ITSN1: variants seen among roughly 807,000 people sequenced by gnomAD.
ITSN1 encodes the protein intersectin 1, also known as intersectin-1.
A neutral mutation model predicts 239.8 loss-of-function variants in ITSN1; 58 were observed. That is an observed-to-expected ratio of 0.24 (90% confidence interval 0.20 to 0.30). The LOEUF (loss-of-function observed/expected upper bound fraction) is 0.30. Ranked by LOEUF, ITSN1 falls within the 10% of genes least tolerant of loss-of-function variation. ITSN1 has a pLI of 1.00. For missense variants in ITSN1, 1,558 were observed against 2,103.3 expected (o/e 0.74, Z 5.07); for synonymous variants, 780 against 770.8 (o/e 1.01, Z -0.20).
At chr21:33,689,776 T>A (rs758533078) in intron 1 of ITSN1, among the ~76,000 whole-genome samples, 4 of 152,018 alleles carry the variant, frequency 2.6e-5, no homozygotes, top group Non-Finnish European at 5.9e-5. Context: ...AAGACCAACC[T>A]GGCCAACATA....
At chr21:33,741,986 A>G (rs1034979153) in intron 5 of ITSN1, among the ~76,000 whole-genome samples, 6 of 151,808 alleles carry the variant, frequency 4.0e-5, no homozygotes, top group African/African-American at 1.5e-4. Context: ...AAAAAGACTT[A>G]AAAAGTAAAA....
intron 7 of ITSN1, among the ~76,000 whole-genome samples, chr21:33,752,564 A>G (rs73352110): frequency 8.6e-4 from 131 of 152,320 alleles, no homozygotes; most frequent in Middle Eastern, 6.8e-3. Flanking sequence ...TACATTAAGA[A>G]GAGAAATTAA....
chr21:33,660,207 T>A (rs1237041885), intron 1 of ITSN1, among the ~76,000 whole-genome samples: 2 of 152,190 alleles, frequency 1.3e-5, no homozygotes, highest in Non-Finnish European at 1.5e-5. Context: ...CATTTTACAC[T>A]CACATGTTGC....
At chr21:33,701,233 G>T (rs965745561) in intron 1 of ITSN1, among the ~76,000 whole-genome samples, 1 of 152,092 alleles carries the variant, frequency 6.6e-6, no homozygotes, top group Non-Finnish European at 1.5e-5. Flanking sequence ...TAAGTAATTG[G>T]AACTATAGGC....
Position 33,888,306 on chromosome 21 carries a change from G to A in ITSN1, c.*6G>A, listed in dbSNP as rs750605825. 30 of 1,609,702 alleles carry A rather than the reference G, an allele frequency of 1.9e-5. No homozygotes were observed. Among genetic ancestry groups the A allele is most frequent in the African/African-American group, 4.0e-5 (3 of 74,810 alleles). ...AGTTGTTTGATGAGCCGTAGGCAGC[G>A]GGCTCAGGGTGTGCTCAGCAGGGTC... On this transcript the variant is annotated 3_prime_UTR_variant, in exon 40 of 40. Transcript: ENST00000381318.
In ITSN1 at chr21:33,649,885, G is replaced by A. The variant is rs151212406; in HGVS notation, c.-33+7172G>A. 2.9e-3 allele frequency among the ~76,000 whole-genome samples: 447 copies of A among 151,822 alleles called. 4 individuals carry two copies. The Middle Eastern group carries it at 0.075, about 25-fold the overall frequency. On this transcript the variant is annotated intron_variant, in intron 1 of 39. Transcript: ENST00000381318. ...ACAAAAATTAGGCGGGCGTGGTGGC[G>A]CACAAGTGTAATCCCAGCTACTTGG...
intron 1 of ITSN1, among the ~76,000 whole-genome samples, chr21:33,664,156 G>A (rs2089766311): frequency 6.6e-6 from 1 of 152,258 alleles, no homozygotes; most frequent in Non-Finnish European, 1.5e-5. Context: ...TAAAGAAAAA[G>A]GTTTATTTGG....
chr21:33,796,067 G>A (rs974266407), intron 17 of ITSN1, among the ~76,000 whole-genome samples: 3 of 151,412 alleles, frequency 2.0e-5, no homozygotes, highest in Admixed American at 6.6e-5. Flanking sequence ...AGGTTCAACC[G>A]ACTCTCCTGC....
chr21:33,757,430 A>G (rs2068005753), intron 8 of ITSN1, among the ~76,000 whole-genome samples: 1 of 152,204 alleles, frequency 6.6e-6, no homozygotes, highest in Non-Finnish European at 1.5e-5. Flanking sequence ...TGCTACTTTG[A>G]TCCAGCAAGA....
intron 1 of ITSN1, among the ~76,000 whole-genome samples, chr21:33,681,317 A>C (rs1187226387): frequency 6.6e-6 from 1 of 152,244 alleles, no homozygotes; most frequent in Admixed American, 6.5e-5. Context: ...AAGCTTCATG[A>C]GAACGAGAAT....
At chr21:33,788,214 G>C (rs1188898614) in intron 16 of ITSN1, among the ~76,000 whole-genome samples, 1 of 152,070 alleles carries the variant, frequency 6.6e-6, no homozygotes, top group Non-Finnish European at 1.5e-5. Flanking sequence ...TCATGGCAGA[G>C]GGTGTCTGAT....
rs1187298073 is a variant in ITSN1 at position 33,680,728 on chromosome 21, A to G, written c.-33+38015A>G. Among the ~76,000 whole-genome samples the G allele has an allele frequency of 3.9e-5, 6 of 152,214 alleles. No homozygotes were observed. In the East Asian group the frequency reaches 5.8e-4, roughly 15 times the overall value. ...CTGCCCAGACTTTTGGAGAGAAAAC[A>G]CAGCAAAGCAATCAGTAGGTTAATG... is the stretch of plus-strand genomic sequence containing the variant. On this transcript the variant is annotated intron_variant, in intron 1 of 39. Coordinates refer to ENST00000381318, the MANE Select transcript of ITSN1 (RefSeq NM_003024.3).
At chr21:33,672,358 A>G (rs947129610) in intron 1 of ITSN1, among the ~76,000 whole-genome samples, 1 of 152,216 alleles carries the variant, frequency 6.6e-6, no homozygotes, top group Admixed American at 6.5e-5. Context: ...AACAATGTAT[A>G]CTCATAAGTC....
intron 1 of ITSN1, among the ~76,000 whole-genome samples, chr21:33,712,664 A>T (rs2092448577): frequency 6.6e-6 from 1 of 152,168 alleles, no homozygotes; most frequent in Non-Finnish European, 1.5e-5. Context: ...TTCACTGCAT[A>T]GCTCCCTGAC....
chr21:33,781,626 G>A (rs1477832068), intron 15 of ITSN1, 78 bp downstream of exon 15: 2 of 837,794 alleles, frequency 2.4e-6, no homozygotes, highest in Non-Finnish European at 3.7e-6. Context: ...TGTCCCCCAG[G>A]CTGGAGTGCA....
chr21:33,740,792 C>T (rs776595059), intron 5 of ITSN1, among the ~76,000 whole-genome samples: 2 of 152,098 alleles, frequency 1.3e-5, no homozygotes, highest in East Asian at 1.9e-4. Flanking sequence ...AGGCCAGGCA[C>T]GGTGGCTCAT....
At chr21:33,799,703 T>C in intron 18 of ITSN1, 105 bp from the exon 19 acceptor site, 1 of 1,253,470 alleles carries the variant, frequency 8.0e-7, no homozygotes. Context: ...AGTTCAGAGG[T>C]TAAGATAGGC....
In ITSN1 at chr21:33,653,883, TG is replaced by T. The variant is rs369570101; in HGVS notation, c.-33+11173del. Among the ~76,000 whole-genome samples the T allele has an allele frequency of 6.3e-3, 962 of 152,230 alleles. 7 individuals are homozygous for T. The highest frequency in any genetic ancestry group is 0.019 in the African/African-American group (793 of 41,530). ...ATCGCCCAGGATGGTCTTGAACTGC[TG>T]GGTTCCAGCAGTTCTCCTGTCGCAG... On this transcript the variant is annotated intron_variant, in intron 1 of 39. Transcript: ENST00000381318.
At chr21:33,660,066 G>A (rs1233218015) in intron 1 of ITSN1, among the ~76,000 whole-genome samples, 1 of 152,114 alleles carries the variant, frequency 6.6e-6, no homozygotes, top group Admixed American at 6.6e-5. Flanking sequence ...GCCTCTGAAA[G>A]GTCGTTTGAA....
Sources: allele counts gnomAD v4.1 joint callset (sites outside exome capture counted in the v4.1 genomes callset), GRCh38; gene constraint gnomAD v4.1.1; transcripts MANE v1.5; gene names NCBI Gene and HGNC (gene_info 2026-07-23, HGNC 2026-07-21).